SLCO1A2: variants seen among roughly 807,000 people sequenced by gnomAD.
SLCO1A2 encodes the protein OATP-1.
In SLCO1A2, 67 loss-of-function variants were observed where a neutral mutation model predicts 69.0. The observed-to-expected ratio is 0.97, with a 90% confidence interval of 0.80 to 1.19. SLCO1A2 has a LOEUF of 1.19. SLCO1A2 is among the 50% of genes most tolerant of loss of function. The pLI is 0.00. For synonymous variants in SLCO1A2, 260 were observed against 265.9 expected, an observed-to-expected ratio of 0.98 and a Z score of 0.22; for missense variants, 787 against 793.7, an observed-to-expected ratio of 0.99 and a Z score of 0.10.
At chr12:21,313,912 C>T (rs142749463) in intron 4 of SLCO1A2, among the ~76,000 whole-genome samples, 16,274 of 147,898 alleles carry the variant, frequency 0.11, 1,018 homozygotes, top group Non-Finnish European at 0.15. Context: ...TGCAGTGACC[C>T]GAGATCACAC....
At chr12:21,352,585 T>C (rs113720449) in intron 2 of SLCO1A2, among the ~76,000 whole-genome samples, 1 of 152,182 alleles carries the variant, frequency 6.6e-6, no homozygotes, top group East Asian at 1.9e-4. Context: ...ACACACTCTT[T>C]ATTAATTAAT....
At chr12:21,272,855 T>C (rs1362215856) in intron 14 of SLCO1A2, among the ~76,000 whole-genome samples, 1 of 152,158 alleles carries the variant, frequency 6.6e-6, no homozygotes, top group Non-Finnish European at 1.5e-5. Context: ...TTGGAATAAA[T>C]CTAATTAATC....
chr12:21,328,036 T>C (rs1300411493), intron 2 of SLCO1A2, among the ~76,000 whole-genome samples: 1 of 152,172 alleles, frequency 6.6e-6, no homozygotes, highest in Admixed American at 6.5e-5. Flanking sequence ...TTTCTCATGA[T>C]AGTGAATAAG....
At chr12:21,413,689 A>C (rs1020198904) in intron 1 of SLCO1A2, among the ~76,000 whole-genome samples, 1 of 152,164 alleles carries the variant, frequency 6.6e-6, no homozygotes, top group Non-Finnish European at 1.5e-5. Flanking sequence ...AAACATGGTC[A>C]TCAGGAGCCT....
At chr12:21,407,318 G>A (rs1946338710) in intron 1 of SLCO1A2, among the ~76,000 whole-genome samples, 1 of 152,180 alleles carries the variant, frequency 6.6e-6, no homozygotes, top group Non-Finnish European at 1.5e-5. Context: ...GAAGGTTGGT[G>A]TAGTTGGAGA....
intron 2 of SLCO1A2, among the ~76,000 whole-genome samples, chr12:21,341,102 G>A (rs1450702961): frequency 6.6e-6 from 1 of 151,944 alleles, no homozygotes; most frequent in Non-Finnish European, 1.5e-5. Context: ...GAGAGGTCAA[G>A]TAACTTGTAC....
upstream of SLCO1A2, among the ~76,000 whole-genome samples, chr12:21,396,519 G>A (rs1450437370): frequency 6.7e-6 from 1 of 149,466 alleles, no homozygotes; most frequent in Non-Finnish European, 1.5e-5. Context: ...GAAATACAGA[G>A]AACGCCACAA....
At chr12:21,314,492 C>T in intron 4 of SLCO1A2, 57 bp downstream of exon 4, 1 of 1,599,522 alleles carries the variant, frequency 6.3e-7, no homozygotes, top group Non-Finnish European at 8.6e-7. Context: ...GAAAGTGCAA[C>T]TTCATTTCCT....
chr12:21,366,790 T>A (rs1279609809), intron 2 of SLCO1A2, among the ~76,000 whole-genome samples: 1 of 151,956 alleles, frequency 6.6e-6, no homozygotes, highest in Non-Finnish European at 1.5e-5. Context: ...TAGAAGTTGT[T>A]TTTTTATGGA....
intron 2 of SLCO1A2, among the ~76,000 whole-genome samples, chr12:21,361,261 C>A (rs969377303): frequency 6.6e-6 from 1 of 152,206 alleles, no homozygotes; most frequent in African/African-American, 2.4e-5. Context: ...GCTGGTGATA[C>A]CCAGGCAAAC....
rs796997156 is a variant in SLCO1A2 at position 21,331,702 on chromosome 12, G to GA, written c.60+2885dup. On this transcript the variant is annotated intron_variant, in intron 2 of 14. Coordinates refer to ENST00000683939, the MANE Select transcript of SLCO1A2 (RefSeq NM_001386879.1). ...CTGCTGTTTACCATCTTACAGGCAG[G>GA]AAAAAAAAAGCTCAAACTTGCCTTC... 6.6e-5 allele frequency among the ~76,000 whole-genome samples: 10 copies of GA among 150,542 alleles called. No individual in the cohort carries two copies. In the South Asian group the frequency reaches 8.4e-4, roughly 13 times the overall value.
intron 11 of SLCO1A2, among the ~76,000 whole-genome samples, chr12:21,293,306 A>G (rs1403736904): frequency 1.3e-5 from 2 of 152,192 alleles, no homozygotes; most frequent in African/African-American, 2.4e-5. Flanking sequence ...CCATCTCAAA[A>G]AAAAGAAAAG....
chr12:21,376,892 A>G (rs1036332949), intron 1 of SLCO1A2, among the ~76,000 whole-genome samples: 1 of 152,098 alleles, frequency 6.6e-6, no homozygotes, highest in Non-Finnish European at 1.5e-5. Context: ...TTTGATTTCT[A>G]TGGAGCTGAA....
chr12:21,315,996 TG>T (rs1565493944), intron 3 of SLCO1A2, among the ~76,000 whole-genome samples: 1 of 152,242 alleles, frequency 6.6e-6, no homozygotes, highest in African/African-American at 2.4e-5. Context: ...CTAAGTGATA[TG>T]TTTATTGCCT....
chr12:21,383,780 T>C (rs925687036), intron 1 of SLCO1A2, among the ~76,000 whole-genome samples: 1 of 152,154 alleles, frequency 6.6e-6, no homozygotes, highest in Admixed American at 6.5e-5. Context: ...TGGTTATGTA[T>C]GCTCAAGTGT....
At chr12:21,356,392 T>C (rs1187610416) in intron 2 of SLCO1A2, among the ~76,000 whole-genome samples, 1 of 151,638 alleles carries the variant, frequency 6.6e-6, no homozygotes, top group Non-Finnish European at 1.5e-5. Context: ...CCAAAACATA[T>C]CTCTATTATA....
chr12:21,330,199 T>G (rs1952513302), intron 2 of SLCO1A2, among the ~76,000 whole-genome samples: 1 of 152,098 alleles, frequency 6.6e-6, no homozygotes, highest in African/African-American at 2.4e-5. Flanking sequence ...GTTTCAACTA[T>G]TAACTTAAAA....
chr12:21,269,590 CT>C lies in SLCO1A2; in HGVS notation c.1970del (p.Lys657SerfsTer5). On this transcript the variant is annotated frameshift_variant, in exon 15 of 15. Transcript: ENST00000683939. LOFTEE classifies it high-confidence loss of function. ...KENECKDIYQ[K>X]STVLKDDELK... ...ATTCATCATCTTTCAAAACCGTGGA[CT>C]TTTGGTATATATCTTTGCACTCATT... 1 of 1,612,046 alleles carries C rather than the reference CT, an allele frequency of 6.2e-7. No individual in the cohort carries two copies. The highest frequency in any genetic ancestry group is 8.5e-7 in the Non-Finnish European group (1 of 1,178,756).
At chr12:21,381,185 A>C (rs1940565040) in intron 1 of SLCO1A2, among the ~76,000 whole-genome samples, 1 of 152,198 alleles carries the variant, frequency 6.6e-6, no homozygotes, top group African/African-American at 2.4e-5. Flanking sequence ...TAAACTAAAA[A>C]GCTTCTGCAC....
Sources: allele counts gnomAD v4.1 joint callset (sites outside exome capture counted in the v4.1 genomes callset), GRCh38; gene constraint gnomAD v4.1.1; transcripts MANE v1.5; gene names NCBI Gene and HGNC (gene_info 2026-07-23, HGNC 2026-07-21).